The following MTHFD1 variants were observed in gnomAD, a reference collection of about 807,000 sequenced individuals.
MTHFD1 encodes the protein methylenetetrahydrofolate dehydrogenase, cyclohydrolase and formyltetrahydrofolate synthetase 1, also known as C-1-tetrahydrofolate synthase, cytoplasmic.
A neutral mutation model predicts 110.3 loss-of-function variants in MTHFD1; 44 were observed. The ratio of observed to expected loss-of-function variants is 0.40; its 90% CI spans 0.31 to 0.51. The LOEUF (loss-of-function observed/expected upper bound fraction) is 0.51, where lower values mean the gene tolerates loss of function less well. Among genes scored for constraint, MTHFD1 ranks in the 20% least tolerant of loss-of-function variants. The pLI is 0.60. For synonymous variants in MTHFD1, 402 were observed against 428.8 expected (o/e 0.94, Z 0.77); for missense variants, 909 against 1,173.1 (o/e 0.77, Z 3.29).
At chr14:64,430,304 CTTTTTT>C in intron 13 of MTHFD1, 74 bp downstream of exon 13, 1 of 1,357,090 alleles carries the variant, frequency 7.4e-7, no homozygotes, top group Non-Finnish European at 1.1e-6. Flanking sequence ...AATTAGCTCC[CTTTTTT>C]TCCCCATGAC....
In MTHFD1 at chr14:64,415,746, A is replaced by G; in HGVS notation, c.478+7A>G. ...GAACTCATCAAAGAGACAGGTAAAA[A>G]CAACAAACCAAACAACAAGAAAGCA... is the stretch of plus-strand genomic sequence containing the variant. On this transcript the variant is annotated splice_region_variant and intron_variant, in intron 6 of 27. Coordinates refer to ENST00000652337, the MANE Select transcript of MTHFD1 (RefSeq NM_005956.4). 6.2e-7 allele frequency: 1 copy of G among 1,613,598 alleles called. No homozygotes were observed. Among genetic ancestry groups the G allele is most frequent in the Non-Finnish European group, 8.5e-7 (1 of 1,179,602 alleles).
At chr14:64,399,275 T>C (rs1417510758) in intron 1 of MTHFD1, among the ~76,000 whole-genome samples, 1 of 152,238 alleles carries the variant, frequency 6.6e-6, no homozygotes, top group Non-Finnish European at 1.5e-5. Context: ...TAAGTTTTCA[T>C]TTATTTACTA....
chr14:64,397,604 A>G (rs936017897), intron 1 of MTHFD1, among the ~76,000 whole-genome samples: 14 of 152,202 alleles, frequency 9.2e-5, no homozygotes, highest in Admixed American at 3.3e-4. Flanking sequence ...GAAGCCCTGT[A>G]TTTTGAAGGT....
intron 2 of MTHFD1, among the ~76,000 whole-genome samples, chr14:64,403,104 A>T (rs2077911495): frequency 1.3e-5 from 2 of 151,620 alleles, no homozygotes; most frequent in African/African-American, 4.8e-5. Context: ...GATTACAGGC[A>T]TGCGCCACCA....
chr14:64,446,324 G>A (rs1596554966), intron 22 of MTHFD1, among the ~76,000 whole-genome samples: 2 of 152,200 alleles, frequency 1.3e-5, no homozygotes, highest in South Asian at 4.2e-4. Context: ...TCTTGGACAG[G>A]TTCCATGTTA....
Position 64,441,438 on chromosome 14 carries a change from C to T in MTHFD1, c.1869C>T (p.Leu623=). Reference sequence around the variant, plus strand: ...TGAAGGACGCAATCAAGCCCAATCTCATGCAGACACTGGAGGTGAGCAGAG... The same window carrying T: ...TGAAGGACGCAATCAAGCCCAATCTTATGCAGACACTGGAGGTGAGCAGAG... The part of the protein sequence containing the change: ...VLMKDAIKPN[L]MQTLEGTPVF... The change falls in exon 19 of 28, where the codon CTC becomes CTT. Residue 623 remains leucine, a synonymous_variant. Transcript: ENST00000652337. The T allele has an allele frequency of 6.2e-7, 1 of 1,614,030 alleles. No homozygotes were observed. Among genetic ancestry groups the T allele is most frequent in the Non-Finnish European group, 8.5e-7 (1 of 1,179,954 alleles).
chr14:64,396,389 GTTT>G (rs10719061), intron 1 of MTHFD1, among the ~76,000 whole-genome samples: 11 of 74,846 alleles, frequency 1.5e-4, no homozygotes, highest in Non-Finnish European at 2.6e-4. Context: ...TTTTTTGAAG[GTTT>G]TTTTTTTTTT....
chr14:64,452,412 G>C (rs1230714275), intron 24 of MTHFD1, among the ~76,000 whole-genome samples: 1 of 152,156 alleles, frequency 6.6e-6, no homozygotes, highest in Non-Finnish European at 1.5e-5. Flanking sequence ...CTTTGCTTCT[G>C]ATTTCCTTTA....
chr14:64,457,721 G>A (rs1309340197), intron 26 of MTHFD1, among the ~76,000 whole-genome samples: 4 of 152,176 alleles, frequency 2.6e-5, no homozygotes, highest in Admixed American at 1.3e-4. Flanking sequence ...CTCCCAGAGT[G>A]CTAGGATTAT....
chr14:64,414,452 C>T (rs765926491), intron 4 of MTHFD1, among the ~76,000 whole-genome samples: 2 of 151,814 alleles, frequency 1.3e-5, no homozygotes, highest in South Asian at 2.1e-4. Flanking sequence ...CCACTATGCC[C>T]GGCTTATTTT....
At chr14:64,439,484 G>A (rs2078231780) in intron 17 of MTHFD1, 1 of 413,164 alleles carries the variant, frequency 2.4e-6, no homozygotes, top group Non-Finnish European at 4.5e-6. Context: ...TATCTCCTTG[G>A]TTTAAGAGGT....
rs543208333 is a variant in MTHFD1 at position 64,407,720 on chromosome 14, G to T, written c.127-3370G>T. Among the ~76,000 whole-genome samples, 593 of 151,794 alleles carry T rather than the reference G, an allele frequency of 3.9e-3. 4 individuals are homozygous for T. The highest frequency in any genetic ancestry group is 0.013 in the African/African-American group (551 of 41,400). ...ACACCACCATGCCCAGATAATTTTT[G>T]TATTTTTTGTAGAGATGGGGTTTCG... On this transcript the variant is annotated intron_variant, in intron 2 of 27. Coordinates refer to ENST00000652337, the MANE Select transcript of MTHFD1 (RefSeq NM_005956.4).
intron 22 of MTHFD1, chr14:64,447,985 CA>C: frequency 1.8e-6 from 1 of 556,440 alleles, no homozygotes; most frequent in South Asian, 2.1e-5. Context: ...GGCTGGGAAA[CA>C]AGCAGAGCTC....
At chr14:64,421,814 A>G (rs562975655) in intron 8 of MTHFD1, among the ~76,000 whole-genome samples, 194 of 151,842 alleles carry the variant, frequency 1.3e-3, no homozygotes, top group Middle Eastern at 3.4e-3. Context: ...TTTAGTAGAG[A>G]CGGGGTTTCA....
At chr14:64,450,617 AAAC>A (rs2078354990) in intron 24 of MTHFD1, among the ~76,000 whole-genome samples, 1 of 152,210 alleles carries the variant, frequency 6.6e-6, no homozygotes, top group African/African-American at 2.4e-5. Context: ...AGTAGTATGG[AAAC>A]AACAACTGGA....
chr14:64,439,498 A>G (rs888733062), intron 17 of MTHFD1: 6 of 378,262 alleles, frequency 1.6e-5, no homozygotes, highest in Middle Eastern at 8.1e-4. Context: ...AAGAGGTACC[A>G]TATTATTCCC....
intron 2 of MTHFD1, among the ~76,000 whole-genome samples, chr14:64,408,654 C>T (rs61985961): frequency 0.066 from 10,053 of 152,222 alleles, 470 homozygotes; most frequent in Non-Finnish European, 0.091. Flanking sequence ...ACCACTTTCC[C>T]CTATAAAATG....
In MTHFD1 at chr14:64,453,953, G is replaced by A. The variant is rs112831949; in HGVS notation, c.2565+92G>A. 3.7e-4 allele frequency: 287 copies of A among 780,276 alleles called. 3 individuals are homozygous for A. In the African/African-American group the frequency reaches 4.0e-3, roughly 11 times the overall value. The allele number at this position is 780,276 out of a possible 1,614,324, so 48.3% of individuals were successfully genotyped here. On this transcript the variant is annotated intron_variant, in intron 25 of 27. Transcript: ENST00000652337. ...GTCCTCCCAGCCCTGCCAAGTACCC[G>A]TTGCTTCACTTCTCTGGGTGGCAGC...
At chr14:64,457,716 A>G (rs1271268124) in intron 26 of MTHFD1, among the ~76,000 whole-genome samples, 2 of 152,154 alleles carry the variant, frequency 1.3e-5, no homozygotes, top group East Asian at 3.9e-4. Context: ...TTGGCCTCCC[A>G]GAGTGCTAGG....
Sources: allele counts gnomAD v4.1 joint callset (sites outside exome capture counted in the v4.1 genomes callset), GRCh38; gene constraint gnomAD v4.1.1; transcripts MANE v1.5; gene names NCBI Gene and HGNC (gene_info 2026-07-23, HGNC 2026-07-21).